Variants in VTI1A observed in about 807,000 individuals in gnomAD.
The protein encoded by VTI1A is vesicle transport through interaction with t-SNAREs 1A.
VTI1A carries 22 observed loss-of-function variants against 34.9 expected under a neutral mutation model. The observed-to-expected ratio is 0.63, with a 90% CI of 0.45 to 0.90. The LOEUF is 0.90. VTI1A is among the 40% of genes least tolerant of loss of function. The pLI is 0.00. For missense variants in VTI1A, 268 were observed against 275.6 expected (o/e 0.97, Z 0.20); for synonymous variants, 87 against 97.3 (o/e 0.89, Z 0.62).
intron 3 of VTI1A, among the ~76,000 whole-genome samples, chr10:112,484,512 T>G (rs1848552799): frequency 4.6e-5 from 7 of 152,220 alleles, no homozygotes; most frequent in Admixed American, 4.6e-4. Flanking sequence ...TAGATTTTCT[T>G]TACTTTCCAT....
intron 7 of VTI1A, among the ~76,000 whole-genome samples, chr10:112,814,590 C>G (rs1233942216): frequency 6.6e-6 from 1 of 152,166 alleles, no homozygotes; most frequent in Non-Finnish European, 1.5e-5. Context: ...GCAGCCCAGC[C>G]AGAACCCAGG....
At chr10:112,534,618 A>C (rs1217112508) in intron 4 of VTI1A, among the ~76,000 whole-genome samples, 1 of 152,156 alleles carries the variant, frequency 6.6e-6, no homozygotes, top group African/African-American at 2.4e-5. Context: ...CCCTCAGAAA[A>C]AGTAATAATG....
chr10:112,582,996 A>G (rs528240978), intron 5 of VTI1A, among the ~76,000 whole-genome samples: 1 of 152,278 alleles, frequency 6.6e-6, no homozygotes, highest in African/African-American at 2.4e-5. Context: ...TTGCTGATAC[A>G]TGTATTCAAT....
chr10:112,473,103 CTTTTT>C (rs201001465), intron 3 of VTI1A, among the ~76,000 whole-genome samples: 6 of 133,866 alleles, frequency 4.5e-5, no homozygotes, highest in East Asian at 2.2e-4. Context: ...ATTTGATCCA[CTTTTT>C]TTTTTTTTTT....
At chr10:112,556,757 G>A (rs983911066) in intron 5 of VTI1A, among the ~76,000 whole-genome samples, 4 of 152,004 alleles carry the variant, frequency 2.6e-5, no homozygotes, top group Admixed American at 1.3e-4. Context: ...TTTTTCAAGC[G>A]ATGAATGCCT....
intron 7 of VTI1A, among the ~76,000 whole-genome samples, chr10:112,739,834 C>G (rs566828435): frequency 9.2e-5 from 14 of 152,218 alleles, no homozygotes; most frequent in Admixed American, 2.6e-4. Flanking sequence ...GGAGGATTAT[C>G]TTTCTTGTTG....
intron 7 of VTI1A, among the ~76,000 whole-genome samples, chr10:112,791,833 C>CTTTTTTTT (rs10664072): frequency 6.7e-6 from 1 of 148,504 alleles, no homozygotes. Flanking sequence ...AACAATATAA[C>CTTTTTTTT]TTTTTTTTTT....
At chr10:112,565,988 T>G (rs1851892602) in intron 5 of VTI1A, among the ~76,000 whole-genome samples, 1 of 152,074 alleles carries the variant, frequency 6.6e-6, no homozygotes, top group Admixed American at 6.5e-5. Flanking sequence ...GTCATTTTGG[T>G]ATATTTTGAA....
At chr10:112,572,141 A>G (rs767649576) in intron 5 of VTI1A, among the ~76,000 whole-genome samples, 2 of 152,242 alleles carry the variant, frequency 1.3e-5, no homozygotes, top group South Asian at 4.1e-4. Flanking sequence ...ATTTAAAAAG[A>G]TGAAAAAGAA....
chr10:112,842,192 GC>G, the VTI1A span, among the ~76,000 whole-genome samples: 1 of 150,724 alleles, frequency 6.6e-6, no homozygotes, highest in Non-Finnish European at 1.5e-5. Context: ...AAAATGAGAT[GC>G]CTGTTACCAG....
rs1194137850 is a variant in VTI1A at position 112,683,980 on chromosome 10, T to G, written c.560+14982T>G. 2.6e-5 allele frequency among the ~76,000 whole-genome samples: 4 copies of G among 151,708 alleles called. No homozygotes were observed. In the South Asian group the frequency reaches 8.3e-4, roughly 32 times the overall value. ...ACCGCTTGAACCCGGGAGGTAGAGG[T>G]TGCAGTGAGCTGAGATCGTGCCACT... On this transcript the variant is annotated intron_variant, in intron 7 of 7. Transcript: ENST00000393077.
At chr10:112,493,977 A>G (rs1848926183) in intron 3 of VTI1A, among the ~76,000 whole-genome samples, 1 of 152,132 alleles carries the variant, frequency 6.6e-6, no homozygotes, top group Non-Finnish European at 1.5e-5. Context: ...CTCATAGAAC[A>G]AGTTAGGAAG....
intron 2 of VTI1A, among the ~76,000 whole-genome samples, chr10:112,462,819 A>G (rs1847769397): frequency 6.6e-6 from 1 of 152,234 alleles, no homozygotes; most frequent in African/African-American, 2.4e-5. Context: ...AAAGCTTTAA[A>G]AGGTAAACTA....
chr10:112,844,805 G>A, the VTI1A span, among the ~76,000 whole-genome samples: 14 of 152,170 alleles, frequency 9.2e-5, no homozygotes, highest in African/African-American at 2.9e-4. Flanking sequence ...ACTGTGCAGC[G>A]CAAAATTTCG....
At position 112,569,427 on chromosome 10, in the gene VTI1A, T is replaced by C. The variant is rs976264359; in HGVS notation, c.427+31097T>C. Among the ~76,000 whole-genome samples the C allele has an allele frequency of 2.0e-5, 3 of 152,196 alleles. No homozygotes were observed. In the South Asian group the frequency reaches 6.2e-4, roughly 31 times the overall value. ...TCAAATCCTTTACTTTTTTTCATTA[T>C]CACATGCTAAAGATAAAGTGTTTAA... On this transcript the variant is annotated intron_variant, in intron 5 of 7. Transcript: ENST00000393077.
At chr10:112,452,478 G>T (rs564278836) in intron 1 of VTI1A, among the ~76,000 whole-genome samples, 33 of 150,096 alleles carry the variant, frequency 2.2e-4, no homozygotes, top group Non-Finnish European at 4.4e-4. Context: ...TGAGGCAGGA[G>T]AATTACTTGA....
At chr10:112,770,415 A>T (rs1294850372) in intron 7 of VTI1A, among the ~76,000 whole-genome samples, 2 of 148,564 alleles carry the variant, frequency 1.3e-5, no homozygotes, top group Admixed American at 1.3e-4. Flanking sequence ...TTTTTTTTTG[A>T]GACGGAGTCT....
chr10:112,542,824 C>A (rs1850917725), intron 5 of VTI1A, among the ~76,000 whole-genome samples: 1 of 152,108 alleles, frequency 6.6e-6, no homozygotes, highest in Non-Finnish European at 1.5e-5. Context: ...CTATCCCTCC[C>A]CACTCTCCCC....
intron 3 of VTI1A, among the ~76,000 whole-genome samples, chr10:112,507,922 C>G (rs1413575697): frequency 6.6e-6 from 1 of 152,134 alleles, no homozygotes; most frequent in Non-Finnish European, 1.5e-5. Flanking sequence ...AGCTGTGGCT[C>G]TCTTCTCTTT....
Sources: allele counts gnomAD v4.1 joint callset (sites outside exome capture counted in the v4.1 genomes callset), GRCh38; gene constraint gnomAD v4.1.1; transcripts MANE v1.5; gene names NCBI Gene and HGNC (gene_info 2026-07-23, HGNC 2026-07-21).